NAA35: variants seen among roughly 807,000 people sequenced by gnomAD.
NAA35 encodes the protein MAK10 homolog, amino-acid N-acetyltransferase subunit.
Under a neutral mutation model 101.7 loss-of-function variants are expected in NAA35, and 18 were observed. The ratio of observed to expected loss-of-function variants is 0.18; its 90% CI spans 0.12 to 0.26. NAA35 has a LOEUF of 0.26. Among genes scored for constraint, NAA35 ranks in the 10% least tolerant of loss-of-function variants. The pLI, the probability that NAA35 is intolerant of heterozygous loss-of-function variation, is 1.00. For missense variants in NAA35, 601 were observed against 886.8 expected (o/e 0.68, Z 4.09); for synonymous variants, 267 against 273.1 (o/e 0.98, Z 0.22).
chr9:86,013,999 C>T, intron 17 of NAA35, 102 bp downstream of exon 17: 3 of 991,394 alleles, frequency 3.0e-6, no homozygotes, highest in Non-Finnish European at 4.3e-6. Flanking sequence ...TATATTTTAT[C>T]TTTAGTTGTG....
intron 14 of NAA35, among the ~76,000 whole-genome samples, chr9:86,009,232 G>A (rs1229819037): frequency 6.6e-6 from 1 of 151,934 alleles, no homozygotes; most frequent in Non-Finnish European, 1.5e-5. Flanking sequence ...CTTGCTTTAG[G>A]GTTAAAGATG....
At chr9:85,977,868 T>A (rs1392383049) in intron 10 of NAA35, among the ~76,000 whole-genome samples, 5 of 152,134 alleles carry the variant, frequency 3.3e-5, no homozygotes, top group Non-Finnish European at 2.9e-5. Context: ...TGTGAATAAT[T>A]TATAAGTGGT....
At chr9:86,018,500 C>T in intron 20 of NAA35, 105 bp downstream of exon 20, 1 of 1,378,960 alleles carries the variant, frequency 7.3e-7, no homozygotes, top group Non-Finnish European at 9.8e-7. Flanking sequence ...TTATTTAAAT[C>T]ATAAGAATAA....
At position 86,004,375 on chromosome 9, in the gene NAA35, G is replaced by A. The variant is rs145799125; in HGVS notation, c.1116+731G>A. Among the ~76,000 whole-genome samples the A allele has an allele frequency of 5.6e-3, 844 of 152,064 alleles. 9 individuals carry two copies. The highest frequency in any genetic ancestry group is 0.01 in the Non-Finnish European group (685 of 68,004). The stretch of plus-strand genomic sequence containing the variant: ...CCGTCTCAGCCTCCCAAAGTGCTAG[G>A]ATTACAGGTTGGAGGATCGCTTGAA... On this transcript the variant is annotated intron_variant, in intron 13 of 22. Coordinates refer to ENST00000361671, the MANE Select transcript of NAA35 (RefSeq NM_024635.4).
chr9:86,022,905 T>TC lies in NAA35; in HGVS notation c.*945_*946insC, dbSNP rs1242820941. On this transcript the variant is annotated 3_prime_UTR_variant, in exon 23 of 23. Coordinates refer to ENST00000361671, the MANE Select transcript of NAA35 (RefSeq NM_024635.4). ...CCTTTTTGTCCTCTGTAGCAGGCAATACTCTTAGCAAAATGAGTTACTCTG... is the reference window on the plus strand; with the variant it reads ...CCTTTTTGTCCTCTGTAGCAGGCAATCACTCTTAGCAAAATGAGTTACTCTG... Among the ~76,000 whole-genome samples the TC allele has an allele frequency of 6.6e-6, 1 of 152,168 alleles. No individual in the cohort carries two copies. Among genetic ancestry groups the TC allele is most frequent in the African/African-American group, 2.4e-5 (1 of 41,434 alleles).
chr9:85,996,099 C>G (rs1831143128), intron 11 of NAA35, among the ~76,000 whole-genome samples: 1 of 152,100 alleles, frequency 6.6e-6, no homozygotes, highest in Non-Finnish European at 1.5e-5. Flanking sequence ...TATACTGACC[C>G]TATTTTATCC....
At chr9:85,967,308 T>C (rs1829788854) in intron 6 of NAA35, among the ~76,000 whole-genome samples, 1 of 152,052 alleles carries the variant, frequency 6.6e-6, no homozygotes, top group Non-Finnish European at 1.5e-5. Context: ...GAAATGCATA[T>C]GTCAAAAGGT....
At chr9:85,963,241 T>C (rs1477756341) in intron 6 of NAA35, among the ~76,000 whole-genome samples, 4 of 151,720 alleles carry the variant, frequency 2.6e-5, no homozygotes, top group Admixed American at 6.6e-5. Context: ...CCCAATATGT[T>C]TGTCCATATT....
chr9:86,014,924 T>G (rs1832129495), intron 17 of NAA35, among the ~76,000 whole-genome samples: 1 of 152,202 alleles, frequency 6.6e-6, no homozygotes, highest in Non-Finnish European at 1.5e-5. Flanking sequence ...TAGACAATTC[T>G]GGTTTTGTTT....
chr9:85,986,318 T>G (rs750745795), intron 11 of NAA35, among the ~76,000 whole-genome samples: 15 of 152,362 alleles, frequency 9.8e-5, no homozygotes, highest in African/African-American at 3.6e-4. Context: ...TTGATCATAG[T>G]GGTGCAAATG....
At chr9:86,017,638 T>C (rs1421329326) in intron 19 of NAA35, 73 bp downstream of exon 19, 2 of 1,176,972 alleles carry the variant, frequency 1.7e-6, no homozygotes, top group Middle Eastern at 2.0e-4. Context: ...TAAACTGTTT[T>C]CTGTGATTCT....
At chr9:85,999,830 T>C (rs1831338253) in intron 12 of NAA35, among the ~76,000 whole-genome samples, 1 of 152,254 alleles carries the variant, frequency 6.6e-6, no homozygotes, top group South Asian at 2.1e-4. Context: ...TATTTAACTA[T>C]AAAATTTGGA....
chr9:86,009,773 C>T (rs1831818033), intron 14 of NAA35, 92 bp from the exon 15 acceptor site: 3 of 853,182 alleles, frequency 3.5e-6, no homozygotes, highest in Non-Finnish European at 5.7e-6. Context: ...CTCTTTTATT[C>T]ACCTTCTCTG....
At chr9:86,015,569 C>T (rs1235785464) in intron 17 of NAA35, 1 of 266,924 alleles carries the variant, frequency 3.7e-6, no homozygotes, top group Non-Finnish European at 5.8e-6. Context: ...TAGGGTGAGA[C>T]CGAATAATTT....
Position 86,021,901 on chromosome 9 carries a change from G to T in NAA35, c.2119G>T (p.Val707Phe), listed in dbSNP as rs201363050. Residue 707 changes from valine to phenylalanine, a missense_variant and splice_region_variant, in exon 23 of 23, where the codon GTT becomes TTT. By Grantham distance (50) the Val-to-Phe change is conservative. This residue lies in a region of NAA35 where 21 missense variants were observed against 51.4 expected (regional missense o/e 0.41). Transcript: ENST00000361671. ...LAGGHKKESK[V>F]PPEFDFSAHK... Reference sequence around the variant, plus strand: ...ATTGAGTTTCGTTTTTCTTTAACAGGTTCCTCCTGAATTTGATTTCTCTGC... The same window carrying T: ...ATTGAGTTTCGTTTTTCTTTAACAGTTTCCTCCTGAATTTGATTTCTCTGC... 8.1e-6 allele frequency: 13 copies of T among 1,611,860 alleles called. No homozygotes were observed. The highest frequency in any genetic ancestry group is 1.1e-5 in the Non-Finnish European group (13 of 1,178,700).
chr9:86,013,735 C>G lies in NAA35; in HGVS notation c.1406C>G (p.Ala469Gly). 1 of 1,613,510 alleles carries G rather than the reference C, an allele frequency of 6.2e-7. No homozygotes were observed. The highest frequency in any genetic ancestry group is 8.5e-7 in the Non-Finnish European group (1 of 1,179,580). The change falls in exon 17 of 23, where the codon GCA (alanine) becomes GGA (glycine). Residue 469 changes from alanine to glycine, a missense_variant. Ala to Gly is a moderately conservative substitution (Grantham distance 60). Coordinates refer to ENST00000361671, the MANE Select transcript of NAA35 (RefSeq NM_024635.4). ...TLQDEAEKVD[A>G]ALHTMLLKQE... ...TTTTAATAGGCAGAGAAGGTTGATGCAGCGCTTCACACCATGCTGTTGAAA... is the reference window on the plus strand; with the variant it reads ...TTTTAATAGGCAGAGAAGGTTGATGGAGCGCTTCACACCATGCTGTTGAAA...
chr9:85,981,266 A>G lies in NAA35; in HGVS notation c.877+2885A>G, dbSNP rs180915396. Among the ~76,000 whole-genome samples the G allele has an allele frequency of 1.6e-3, 247 of 152,306 alleles. 1 individual carries two copies. The highest frequency in any genetic ancestry group is 3.8e-3 in the African/African-American group (157 of 41,580). On this transcript the variant is annotated intron_variant, in intron 11 of 22. Coordinates refer to ENST00000361671, the MANE Select transcript of NAA35 (RefSeq NM_024635.4). Reference sequence around the variant, plus strand: ...TAGTAGTACATGTTTACAGAGAGGGATAAAATGTCCACAACTCTGAAATGC... The same window carrying G: ...TAGTAGTACATGTTTACAGAGAGGGGTAAAATGTCCACAACTCTGAAATGC...
chr9:85,981,898 A>T (rs940461819), intron 11 of NAA35, among the ~76,000 whole-genome samples: 1 of 152,198 alleles, frequency 6.6e-6, no homozygotes, highest in African/African-American at 2.4e-5. Context: ...CCTTCTGATT[A>T]TATTACAACT....
intron 11 of NAA35, among the ~76,000 whole-genome samples, chr9:85,988,799 A>T (rs1246501415): frequency 1.3e-5 from 2 of 150,162 alleles, no homozygotes; most frequent in Non-Finnish European, 3.0e-5. Context: ...TCCGTCTCGA[A>T]AAAAAAAAAA....
Sources: allele counts gnomAD v4.1 joint callset (sites outside exome capture counted in the v4.1 genomes callset), GRCh38; gene constraint gnomAD v4.1.1; regional missense constraint gnomAD v4.1.1; transcripts MANE v1.5; gene names NCBI Gene and HGNC (gene_info 2026-07-23, HGNC 2026-07-21).